The following ARHGEF26 variants were observed in gnomAD, a reference collection of about 807,000 sequenced individuals.
ARHGEF26 encodes Rho guanine nucleotide exchange factor (GEF) 26.
In ARHGEF26, 59 loss-of-function variants were observed where a neutral mutation model predicts 89.4. That is an observed-to-expected ratio of 0.66 (90% CI 0.54 to 0.82). The LOEUF is 0.82. ARHGEF26 is among the 40% of genes least tolerant of loss of function. The pLI is 0.00. For missense variants in ARHGEF26, 1,234 were observed against 1,085.6 expected (o/e 1.14, Z -1.92); for synonymous variants, 500 against 428.4 (o/e 1.17, Z -2.06).
chr3:154,139,862 TGAG>T (rs1231258096), intron 4 of ARHGEF26, among the ~76,000 whole-genome samples: 1 of 152,226 alleles, frequency 6.6e-6, no homozygotes, highest in East Asian at 1.9e-4. Flanking sequence ...TCTATTATTT[TGAG>T]GAGATAAGAA....
intron 12 of ARHGEF26, among the ~76,000 whole-genome samples, chr3:154,246,689 C>T (rs1339405596): frequency 6.6e-6 from 1 of 152,118 alleles, no homozygotes; most frequent in Non-Finnish European, 1.5e-5. Context: ...AATAAGAACC[C>T]TAACCCTAAT....
At chr3:154,235,149 C>T (rs1044545538) in intron 11 of ARHGEF26, among the ~76,000 whole-genome samples, 2 of 151,894 alleles carry the variant, frequency 1.3e-5, no homozygotes, top group African/African-American at 4.8e-5. Flanking sequence ...TACTCCCTGC[C>T]ATCTCTCAAA....
At chr3:154,253,080 C>T in intron 12 of ARHGEF26, 36 bp from the exon 13 acceptor site, 3 of 1,611,840 alleles carry the variant, frequency 1.9e-6, no homozygotes, top group Non-Finnish European at 2.5e-6. Context: ...GTTTTTACAC[C>T]TTGAGTCTCT....
In ARHGEF26 at chr3:154,249,919, G is replaced by A. The variant is rs1036921876; in HGVS notation, c.2301-3197G>A. ...CTAGACTTCATGTCTAAATTTAATC[G>A]TGGGTAAGTCTATGCCCTGGTTTTT... On this transcript the variant is annotated intron_variant, in intron 12 of 14. Coordinates refer to ENST00000465093, the MANE Select transcript of ARHGEF26 (RefSeq NM_015595.4). Among the ~76,000 whole-genome samples the A allele has an allele frequency of 3.9e-5, 6 of 152,274 alleles. No homozygotes were observed. In the East Asian group the frequency reaches 5.8e-4, roughly 15 times the overall value.
chr3:154,155,106 C>T (rs1230698378), intron 6 of ARHGEF26, among the ~76,000 whole-genome samples: 1 of 151,824 alleles, frequency 6.6e-6, no homozygotes, highest in East Asian at 1.9e-4. Flanking sequence ...TTTTTGTCAT[C>T]TAACCTTTAG....
intron 12 of ARHGEF26, among the ~76,000 whole-genome samples, chr3:154,247,304 T>A (rs1274666114): frequency 6.6e-6 from 1 of 152,178 alleles, no homozygotes; most frequent in African/African-American, 2.4e-5. Flanking sequence ...CTCTTTTGCG[T>A]TATCCAGTCT....
chr3:154,186,860 AC>A (rs1166433874), intron 6 of ARHGEF26, among the ~76,000 whole-genome samples: 11 of 148,652 alleles, frequency 7.4e-5, no homozygotes, highest in Admixed American at 6.7e-4. Flanking sequence ...TGAGAAAAAA[AC>A]ATATACTGTT....
intron 6 of ARHGEF26, among the ~76,000 whole-genome samples, chr3:154,182,003 T>G (rs965900410): frequency 1.3e-5 from 2 of 151,976 alleles, no homozygotes; most frequent in Non-Finnish European, 2.9e-5. Flanking sequence ...ATATTCCAGG[T>G]ACTATGGCCA....
chr3:154,146,263 C>T (rs912146276), intron 4 of ARHGEF26, among the ~76,000 whole-genome samples: 7 of 152,172 alleles, frequency 4.6e-5, no homozygotes, highest in African/African-American at 1.7e-4. Context: ...GGGCGTTAAT[C>T]CCATTCATGG....
intron 6 of ARHGEF26, among the ~76,000 whole-genome samples, chr3:154,169,385 G>T (rs1712271348): frequency 6.6e-6 from 1 of 151,968 alleles, no homozygotes; most frequent in South Asian, 2.1e-4. Flanking sequence ...AAAAAAAAAT[G>T]TGTTTCCTGA....
At chr3:154,243,199 C>T (rs1181931882) in intron 12 of ARHGEF26, among the ~76,000 whole-genome samples, 1 of 152,188 alleles carries the variant, frequency 6.6e-6, no homozygotes, top group Non-Finnish European at 1.5e-5. Flanking sequence ...ATGACTTTAA[C>T]ACTTTGGAAA....
chr3:154,245,438 A>G (rs1270872430), intron 12 of ARHGEF26, among the ~76,000 whole-genome samples: 5 of 152,238 alleles, frequency 3.3e-5, no homozygotes, highest in Admixed American at 2.6e-4. Flanking sequence ...TAGATATTGC[A>G]TCCCCAAAAT....
chr3:154,168,168 A>T (rs1055536145), intron 6 of ARHGEF26, among the ~76,000 whole-genome samples: 23 of 152,212 alleles, frequency 1.5e-4, no homozygotes, highest in Non-Finnish European at 4.4e-5. Flanking sequence ...ATAGTATCCC[A>T]GATCTCACAG....
intron 6 of ARHGEF26, among the ~76,000 whole-genome samples, chr3:154,185,995 A>C (rs889611955): frequency 5.9e-5 from 9 of 152,172 alleles, no homozygotes; most frequent in Non-Finnish European, 1.0e-4. Flanking sequence ...CCTCCCATCA[A>C]CCGCTCCACT....
chr3:154,137,835 GAGA>G (rs889502397), intron 4 of ARHGEF26, among the ~76,000 whole-genome samples: 2 of 148,528 alleles, frequency 1.3e-5, no homozygotes, highest in African/African-American at 2.5e-5. Context: ...AAAAGAAGAA[GAGA>G]AGAAGAAGAA....
intron 9 of ARHGEF26, among the ~76,000 whole-genome samples, chr3:154,203,728 T>G (rs892560472): frequency 2.0e-5 from 3 of 152,152 alleles, no homozygotes; most frequent in African/African-American, 7.2e-5. Context: ...TCTGCACAAT[T>G]GAAATGATCA....
chr3:154,137,897 TC>T (rs1439849337), intron 4 of ARHGEF26, among the ~76,000 whole-genome samples: 2 of 151,920 alleles, frequency 1.3e-5, no homozygotes, highest in African/African-American at 4.8e-5. Flanking sequence ...ATTTGTGCAA[TC>T]CCAGTCTCTA....
At chr3:154,157,382 G>C (rs1018406430) in intron 6 of ARHGEF26, among the ~76,000 whole-genome samples, 1 of 152,050 alleles carries the variant, frequency 6.6e-6, no homozygotes, top group African/African-American at 2.4e-5. Context: ...TGGGTTTAAA[G>C]GCCCTTGGTG....
chr3:154,231,708 G>A (rs931843261), intron 11 of ARHGEF26, among the ~76,000 whole-genome samples: 11 of 152,212 alleles, frequency 7.2e-5, no homozygotes, highest in Middle Eastern at 3.4e-3. Context: ...CTGAAGGTAC[G>A]GCACGCTCTA....
Sources: allele counts gnomAD v4.1 joint callset (sites outside exome capture counted in the v4.1 genomes callset), GRCh38; gene constraint gnomAD v4.1.1; transcripts MANE v1.5; gene names NCBI Gene and HGNC (gene_info 2026-07-23, HGNC 2026-07-21).